The following FBXL2 variants were observed in gnomAD, a reference collection of about 807,000 sequenced individuals.
The protein encoded by FBXL2 is F-box/LRR-repeat protein 2.
Under a neutral mutation model 69.2 loss-of-function variants are expected in FBXL2, and 38 were observed. The observed-to-expected ratio is 0.55, with a 90% CI of 0.42 to 0.72. The LOEUF is 0.72. Among genes scored for constraint, FBXL2 ranks in the 30% least tolerant of loss-of-function variants. The probability of loss-of-function intolerance (pLI) is 0.00; values close to 1 mark genes in which losing one functional copy is unlikely to be tolerated. For synonymous variants in FBXL2, 192 were observed against 201.3 expected (o/e 0.95, Z 0.39); for missense variants, 354 against 520.3 (o/e 0.68, Z 3.11).
intron 5 of FBXL2, among the ~76,000 whole-genome samples, chr3:33,367,242 T>G (rs2042011906): frequency 6.6e-6 from 1 of 152,044 alleles, no homozygotes. Context: ...CCACCATGCC[T>G]GGCTAATTTT....
At chr3:33,371,066 C>G (rs1247529549) in intron 5 of FBXL2, among the ~76,000 whole-genome samples, 3 of 151,768 alleles carry the variant, frequency 2.0e-5, no homozygotes, top group Non-Finnish European at 4.4e-5. Flanking sequence ...TTGATAGTTG[C>G]TATTGCTATG....
chr3:33,303,624 A>G lies in FBXL2; in HGVS notation c.65+5899A>G, dbSNP rs966839208. ...CTATTCATTTAAAAACTGTGAATTC[A>G]GTAACAGAAAAGATTGGTGAATTTG... On this transcript the variant is annotated intron_variant, in intron 2 of 14. Transcript: ENST00000484457. Among the ~76,000 whole-genome samples the G allele has an allele frequency of 2.0e-5, 3 of 152,290 alleles. No homozygotes were observed. In the South Asian group the frequency reaches 6.2e-4, roughly 32 times the overall value.
the FBXL2 span, among the ~76,000 whole-genome samples, chr3:33,419,396 G>A: frequency 1.3e-5 from 2 of 152,166 alleles, no homozygotes; most frequent in Non-Finnish European, 2.9e-5. Flanking sequence ...TTGGGAGGCT[G>A]AGGTGGGCGG....
At chr3:33,353,310 C>T (rs2040962084) in intron 2 of FBXL2, among the ~76,000 whole-genome samples, 1 of 152,126 alleles carries the variant, frequency 6.6e-6, no homozygotes, top group Non-Finnish European at 1.5e-5. Flanking sequence ...AATTTATATC[C>T]ACACAAAAAC....
intron 9 of FBXL2, among the ~76,000 whole-genome samples, chr3:33,374,724 T>A (rs2042524671): frequency 6.6e-6 from 1 of 152,170 alleles, no homozygotes; most frequent in Non-Finnish European, 1.5e-5. Context: ...AGTAGTCTGT[T>A]TAAGTGAACA....
chr3:33,323,678 T>G (rs1482660879), intron 2 of FBXL2, among the ~76,000 whole-genome samples: 1 of 152,238 alleles, frequency 6.6e-6, no homozygotes, highest in Non-Finnish European at 1.5e-5. Context: ...ATGGTATATA[T>G]GTACCACATT....
intron 5 of FBXL2, among the ~76,000 whole-genome samples, chr3:33,369,770 G>A (rs1575370059): frequency 1.3e-5 from 2 of 152,080 alleles, no homozygotes; most frequent in South Asian, 2.1e-4. Flanking sequence ...GTACCACCCC[G>A]CCCGGCTAAT....
chr3:33,294,446 A>T (rs1366318051), intron 1 of FBXL2, among the ~76,000 whole-genome samples: 2 of 152,194 alleles, frequency 1.3e-5, no homozygotes, highest in African/African-American at 4.8e-5. Context: ...ATGGCTATTT[A>T]AAAATACTTT....
intron 4 of FBXL2, among the ~76,000 whole-genome samples, chr3:33,363,075 C>T (rs1040207632): frequency 6.6e-6 from 1 of 152,108 alleles, no homozygotes; most frequent in Non-Finnish European, 1.5e-5. Flanking sequence ...GAGTCTTGCT[C>T]TGTCACCCAG....
intron 2 of FBXL2, among the ~76,000 whole-genome samples, chr3:33,343,946 A>AT (rs1311202890): frequency 6.6e-6 from 1 of 152,104 alleles, no homozygotes; most frequent in African/African-American, 2.4e-5. Flanking sequence ...AAAAATATAT[A>AT]AGCATTTATA....
At chr3:33,419,181 G>C in the FBXL2 span, among the ~76,000 whole-genome samples, 1 of 152,092 alleles carries the variant, frequency 6.6e-6, no homozygotes, top group East Asian at 1.9e-4. Flanking sequence ...AAGACAGCCA[G>C]GAGCTGACTT....
chr3:33,364,822 C>G, intron 5 of FBXL2, 103 bp downstream of exon 5: 1 of 1,072,128 alleles, frequency 9.3e-7, no homozygotes, highest in Admixed American at 1.8e-5. Context: ...AAAATTCTTT[C>G]TGTGGTAATT....
rs982314300 is a variant in FBXL2, at chr3:33,350,929, C to T, written c.66-8038C>T. On this transcript the variant is annotated intron_variant, in intron 2 of 14. Coordinates refer to ENST00000484457, the MANE Select transcript of FBXL2 (RefSeq NM_012157.5). ...TTGCAGTTGACACAATTGCCCATGT[C>T]ATGAAACCCCCAAAGAATTGACAAA... Among the ~76,000 whole-genome samples, 3 of 152,150 alleles carry T rather than the reference C, an allele frequency of 2.0e-5. No homozygotes were observed. The East Asian group carries it at 5.8e-4, about 29-fold the overall frequency.
chr3:33,326,825 C>A (rs1013811627), intron 2 of FBXL2, among the ~76,000 whole-genome samples: 1 of 152,144 alleles, frequency 6.6e-6, no homozygotes, highest in Non-Finnish European at 1.5e-5. Flanking sequence ...GTAGTTCTTT[C>A]AAGAACCTAG....
At position 33,373,103 on chromosome 3, in the gene FBXL2, A is replaced by G; in HGVS notation, c.302A>G (p.Gln101Arg). The G allele has an allele frequency of 6.2e-7, 1 of 1,614,230 alleles. No homozygotes were observed. Among genetic ancestry groups the G allele is most frequent in the African/African-American group, 1.3e-5 (1 of 75,066 alleles). ...VGDSSLKTFA[Q>R]NCRNIEHLNL... ...TTTTCTCATTTTAGGACCTTTGCAC[A>G]GAACTGCCGAAACATTGAACATTTG... The change falls in exon 6 of 15, where the codon CAG becomes CGG. Residue 101 changes from glutamine (Q) to arginine (R), a missense_variant. Transcript: ENST00000484457.
downstream of FBXL2, chr3:33,390,288 C>T (rs549763713): frequency 1.2e-5 from 19 of 1,581,180 alleles, no homozygotes; most frequent in African/African-American, 1.1e-4. Context: ...CACTTTTAAG[C>T]GTGACTATTT....
chr3:33,373,476 G>A, intron 7 of FBXL2, 102 bp from the exon 8 acceptor site: 1 of 1,564,078 alleles, frequency 6.4e-7, no homozygotes, highest in Non-Finnish European at 8.8e-7. Flanking sequence ...TCCCAGGCAT[G>A]GTCTCCCCTT....
chr3:33,297,828 G>A (rs1353603342), intron 2 of FBXL2, 103 bp downstream of exon 2: 1 of 758,244 alleles, frequency 1.3e-6, no homozygotes, highest in Non-Finnish European at 2.3e-6. Flanking sequence ...TAGAAAAACA[G>A]ACAGAATTAG....
downstream of FBXL2, chr3:33,389,816 C>T (rs1416645614): frequency 6.5e-6 from 1 of 154,232 alleles, no homozygotes; most frequent in Non-Finnish European, 1.4e-5. Context: ...GGTGCCGAGC[C>T]TCTTACCTGA....
Sources: gnomAD v4.1 joint callset for allele counts (sites outside exome capture counted in the v4.1 genomes callset) on GRCh38, gnomAD v4.1.1 for gene constraint, MANE v1.5 for transcripts, NCBI Gene and HGNC (gene_info 2026-07-23, HGNC 2026-07-21) for gene names.